The following CHD8 variants were observed in gnomAD, a reference collection of about 807,000 sequenced individuals.
CHD8 encodes the protein chromodomain helicase DNA binding protein 8.
In CHD8, 31 loss-of-function variants were observed where a neutral mutation model predicts 279.2. That is an observed-to-expected ratio of 0.11 (90% confidence interval 0.08 to 0.15). The LOEUF (loss-of-function observed/expected upper bound fraction) is 0.15. Among genes scored for constraint, CHD8 ranks in the 10% least tolerant of loss-of-function variants. The pLI, the probability that CHD8 is intolerant of heterozygous loss-of-function variation, is 1.00. For missense variants in CHD8, 2,146 were observed against 3,230.5 expected (o/e 0.66, Z 8.14); for synonymous variants, 1,081 against 1,139.6 (o/e 0.95, Z 1.04).
At chr14:21,398,542 T>C (rs566157030) in intron 26 of CHD8, 1 of 152,434 alleles carries the variant, frequency 6.6e-6, no homozygotes, top group Admixed American at 6.5e-5. Flanking sequence ...CCTGCAATTT[T>C]ATTTATCCCA....
chr14:21,391,139 T>C, intron 36 of CHD8, 76 bp from the exon 37 acceptor site: 1 of 982,478 alleles, frequency 1.0e-6, no homozygotes, highest in Non-Finnish European at 1.6e-6. Flanking sequence ...CTAGTGTCTT[T>C]TGTTTGATAA....
intron 2 of CHD8, chr14:21,430,518 T>C: frequency 3.1e-6 from 1 of 327,830 alleles, no homozygotes; most frequent in South Asian, 6.9e-5. Context: ...ATATCTGTCT[T>C]TCCTGGCAGA....
intron 21 of CHD8, 63 bp downstream of exon 21, chr14:21,401,340 G>T: frequency 1.0e-6 from 1 of 991,214 alleles, no homozygotes. Flanking sequence ...CAGAGTAGCT[G>T]TAAAGACTCC....
At chr14:21,399,815 T>C (rs368753286) in intron 25 of CHD8, 110 bp from the exon 26 acceptor site, 1 of 939,408 alleles carries the variant, frequency 1.1e-6, no homozygotes, top group Non-Finnish European at 1.7e-6. Context: ...TAAATACTCA[T>C]GCATCTACCC....
At chr14:21,393,359 T>G in intron 32 of CHD8, 105 bp from the exon 33 acceptor site, 1 of 1,530,160 alleles carries the variant, frequency 6.5e-7, no homozygotes, top group Non-Finnish European at 8.8e-7. Flanking sequence ...ATGGCACTCT[T>G]TTGACATTTT....
In CHD8 at chr14:21,403,406, C is replaced by T. The variant is rs1215821722; in HGVS notation, c.3518+47G>A. ...ATCCAGGCCCTCCTACTTTTTGCTG[C>T]TTTATGAGGACAGAGTAACCACAGG... On this transcript the variant is annotated intron_variant, in intron 17 of 37. Coordinates refer to ENST00000646647, the MANE Select transcript of CHD8 (RefSeq NM_001170629.2). The surrounding 1 kb of genome is among the most constrained non-coding windows in gnomAD (Gnocchi z 4.3). The T allele has an allele frequency of 1.3e-6, 2 of 1,488,872 alleles. No individual in the cohort carries two copies. Among genetic ancestry groups the T allele is most frequent in the Admixed American group, 1.9e-5 (1 of 53,404 alleles). 92.2% of individuals were successfully genotyped at this position (1,488,872 alleles called of 1,614,324 possible). A position where few individuals can be genotyped will look rare whatever the true frequency, so the allele number is the denominator to read the frequency against.
At chr14:21,445,048 T>C (rs1890078487) in intron 1 of CHD8, among the ~76,000 whole-genome samples, 2 of 152,196 alleles carry the variant, frequency 1.3e-5, no homozygotes, top group South Asian at 2.1e-4. Flanking sequence ...TGGATAGTCA[T>C]GGTTGCACAG....
chr14:21,431,483 C>T lies in CHD8; in HGVS notation c.161G>A (p.Gly54Glu). 1.3e-6 allele frequency: 2 copies of T among 1,536,664 alleles called. No individual in the cohort carries two copies. Among genetic ancestry groups the T allele is most frequent in the Non-Finnish European group, 1.7e-6 (2 of 1,146,568 alleles). ...DSLDQMNQDG[G>E]GGDVGNSSAS... ...TGATGAATTCCCCACATCACCACCT[C>T]CACCATCCTGGTTCATCTGATCCAA... The change falls in exon 2 of 38, where the codon GGA (glycine) becomes GAA (glutamate). Residue 54 changes from glycine (G) to glutamate (E), a missense_variant. Coordinates refer to ENST00000646647, the MANE Select transcript of CHD8 (RefSeq NM_001170629.2).
Position 21,402,976 on chromosome 14 carries a change from CA to C in CHD8, c.3714+40del. On this transcript the variant is annotated intron_variant, in intron 18 of 37. Coordinates refer to ENST00000646647, the MANE Select transcript of CHD8 (RefSeq NM_001170629.2). This position sits in a 1 kb window ranked among gnomAD's most constrained non-coding sequence, Gnocchi z 4.5. Reference sequence around the variant, plus strand: ...ATCCTATTCTTGTTGAAAAATCTCCCAAGTTAGGTAGTTAGTCCCTAAGACA... The same window carrying C: ...ATCCTATTCTTGTTGAAAAATCTCCCAGTTAGGTAGTTAGTCCCTAAGACA... 3 of 1,504,746 alleles carry C rather than the reference CA, an allele frequency of 2.0e-6. No homozygotes were observed. The South Asian group carries it at 3.5e-5, about 18-fold the overall frequency. 93.2% of individuals were successfully genotyped at this position (1,504,746 alleles called of 1,614,324 possible). A position where few individuals can be genotyped will look rare whatever the true frequency, so the allele number is the denominator to read the frequency against.
intron 37 of CHD8, among the ~76,000 whole-genome samples, chr14:21,389,927 A>G (rs1887450895): frequency 6.6e-6 from 1 of 152,184 alleles, no homozygotes; most frequent in Non-Finnish European, 1.5e-5. Context: ...AAACACTTCT[A>G]AAATATATAG....
chr14:21,395,825 C>T lies in CHD8; in HGVS notation c.5119G>A (p.Asp1707Asn). The part of the protein sequence containing the change: ...KPLQGPPKDQ[D>N]DEGDPLMMMD... Reference sequence around the variant, plus strand: ...AAATGAGAATTCCTTACCTCATCATCTTGGTCCTTTGGGGGACCTTGGAGT... The same window carrying T: ...AAATGAGAATTCCTTACCTCATCATTTTGGTCCTTTGGGGGACCTTGGAGT... The change falls in exon 28 of 38, where the codon GAT (aspartate) becomes AAT (asparagine). Residue 1707 changes from aspartate to asparagine, a missense_variant. By Grantham distance (23) the Asp-to-Asn change is conservative. Coordinates refer to ENST00000646647, the MANE Select transcript of CHD8 (RefSeq NM_001170629.2). 6.2e-7 allele frequency: 1 copy of T among 1,601,034 alleles called. No homozygotes were observed. Among genetic ancestry groups the T allele is most frequent in the South Asian group, 1.1e-5 (1 of 90,402 alleles).
chr14:21,420,524 C>G (rs146767214), intron 5 of CHD8, among the ~76,000 whole-genome samples: 1 of 152,090 alleles, frequency 6.6e-6, no homozygotes, highest in Non-Finnish European at 1.5e-5. Flanking sequence ...TTGTGTATGT[C>G]TGAAAATTTT....
Position 21,445,839 on chromosome 14 carries a change from A to C in CHD8, c.-216+10193T>G, listed in dbSNP as rs771800376. Among the ~76,000 whole-genome samples the C allele has an allele frequency of 4.6e-5, 7 of 151,120 alleles. No homozygotes were observed. The South Asian group carries it at 1.5e-3, about 32-fold the overall frequency. ...AGATGGTGAAACCCTGTCTCTACTA[A>C]AAGTACAAAAATTAGCTGGGTGTGG... On this transcript the variant is annotated intron_variant, in intron 1 of 37. Coordinates refer to ENST00000646647, the MANE Select transcript of CHD8 (RefSeq NM_001170629.2).
intron 1 of CHD8, among the ~76,000 whole-genome samples, chr14:21,443,421 T>C (rs1384766139): frequency 6.6e-6 from 1 of 151,684 alleles, no homozygotes; most frequent in Non-Finnish European, 1.5e-5. Context: ...AAATTAAGAA[T>C]CAGAATAATG....
chr14:21,401,150 A>G (rs1888014634), intron 21 of CHD8, 79 bp from the exon 22 acceptor site: 2 of 1,079,212 alleles, frequency 1.9e-6, no homozygotes, highest in Non-Finnish European at 2.6e-6. Context: ...AGGGATTACA[A>G]TAACATTGGA....
At position 21,391,576 on chromosome 14, in the gene CHD8, T is replaced by C; in HGVS notation, c.6952A>G (p.Ile2318Val). 1.2e-6 allele frequency: 2 copies of C among 1,613,282 alleles called. No homozygotes were observed. The highest frequency in any genetic ancestry group is 1.7e-6 in the Non-Finnish European group (2 of 1,179,680). The change falls in exon 36 of 38, where the codon ATC becomes GTC. Residue 2318 changes from isoleucine (I) to valine (V), a missense_variant. By Grantham distance (29) the Ile-to-Val change is conservative (BLOSUM62 3). Coordinates refer to ENST00000646647, the MANE Select transcript of CHD8 (RefSeq NM_001170629.2). ...DVDLETRIPVINKVDGTLLVG... is the reference protein window; with the variant it reads ...DVDLETRIPVVNKVDGTLLVG... ...AGCAAAGTACCATCCACCTTATTGATGACAGGGATCCGGGTCTCCAGGTCC... is the reference window on the plus strand; with the variant it reads ...AGCAAAGTACCATCCACCTTATTGACGACAGGGATCCGGGTCTCCAGGTCC...
rs774912102 is a variant in CHD8 at position 21,405,468 on chromosome 14, T to C, written c.3052-4A>G. 2.5e-6 allele frequency: 4 copies of C among 1,601,472 alleles called. No individual in the cohort carries two copies. Among genetic ancestry groups the C allele is most frequent in the Non-Finnish European group, 3.4e-6 (4 of 1,173,354 alleles). On this transcript the variant is annotated splice_region_variant and splice_polypyrimidine_tract_variant and intron_variant, in intron 15 of 37. Coordinates refer to ENST00000646647, the MANE Select transcript of CHD8 (RefSeq NM_001170629.2). The surrounding 1 kb of genome is among the most constrained non-coding windows in gnomAD (Gnocchi z 4.2). ...GAATGGCCTGTAGCTTTTGAACCTG[T>C]GGTCCATTACAGAGAGAAAAATAAA...
chr14:21,453,218 C>T (rs1890301596), intron 1 of CHD8, among the ~76,000 whole-genome samples: 1 of 150,760 alleles, frequency 6.6e-6, no homozygotes, highest in African/African-American at 2.5e-5. Flanking sequence ...AATTAGATAC[C>T]CTAAAAGGTT....
At chr14:21,438,446 G>T (rs1425754814) in intron 1 of CHD8, among the ~76,000 whole-genome samples, 1 of 150,996 alleles carries the variant, frequency 6.6e-6, no homozygotes, top group East Asian at 2.0e-4. Flanking sequence ...AGGCCGAGGT[G>T]GGCAGATCGC....
Sources: allele counts gnomAD v4.1 joint callset (sites outside exome capture counted in the v4.1 genomes callset), GRCh38; gene constraint gnomAD v4.1.1; non-coding constraint Gnocchi (gnomAD v3.1); transcripts MANE v1.5; gene names NCBI Gene and HGNC (gene_info 2026-07-23, HGNC 2026-07-21).